Variants in GTF2H5 observed in about 807,000 individuals in gnomAD.
GTF2H5 encodes the protein general transcription factor IIH subunit 5, also known as TFB5 ortholog.
Under a neutral mutation model 7.1 loss-of-function variants are expected in GTF2H5, and 5 were observed. The ratio of observed to expected loss-of-function variants is 0.71; its 90% confidence interval spans 0.37 to 1.49. GTF2H5 has a LOEUF of 1.49. Among genes scored for constraint, GTF2H5 ranks in the 40% most tolerant of loss-of-function variants. The pLI, the probability that GTF2H5 is intolerant of heterozygous loss-of-function variation, is 0.03. For synonymous variants in GTF2H5, 30 were observed against 31.7 expected (o/e 0.95, Z 0.18); for missense variants, 80 against 83.0 (o/e 0.96, Z 0.14).
chr6:158,188,877 T>C (rs9632487), intron 2 of GTF2H5, among the ~76,000 whole-genome samples: 28,124 of 151,320 alleles, frequency 0.19, 3,722 homozygotes, highest in African/African-American at 0.37. Flanking sequence ...AACCACAGAC[T>C]CCCAAGCTAT....
rs1350117350 is a variant in GTF2H5, at chr6:158,195,182, A to C, written c.*3025A>C. On this transcript the variant is annotated 3_prime_UTR_variant, in exon 3 of 3. Coordinates refer to ENST00000607778, the MANE Select transcript of GTF2H5 (RefSeq NM_207118.3). Reference sequence around the variant, plus strand: ...AAATAAAGTCCTAAAGGTAGCATTAAAATGACTTAACTGGAGGCAGGAGGA... The same window carrying C: ...AAATAAAGTCCTAAAGGTAGCATTACAATGACTTAACTGGAGGCAGGAGGA... 1.3e-5 allele frequency: 2 copies of C among 152,090 alleles called. No homozygotes were observed. Among genetic ancestry groups the C allele is most frequent in the African/African-American group, 4.8e-5 (2 of 41,388 alleles). 9.4% of individuals were successfully genotyped at this position (152,090 alleles called of 1,614,324 possible). A position where few individuals can be genotyped will look rare whatever the true frequency, so the allele number is the denominator to read the frequency against.
chr6:158,188,037 G>T (rs1415006284), intron 2 of GTF2H5, among the ~76,000 whole-genome samples: 2 of 152,184 alleles, frequency 1.3e-5, no homozygotes, highest in Non-Finnish European at 2.9e-5. Flanking sequence ...CAGATGGGGG[G>T]TGGGGTGCTT....
chr6:158,172,021 A>C (rs1259704858), intron 2 of GTF2H5, among the ~76,000 whole-genome samples: 1 of 149,048 alleles, frequency 6.7e-6, no homozygotes, highest in Non-Finnish European at 1.5e-5. Flanking sequence ...AATACAGAGG[A>C]TACACATACA....
intron 2 of GTF2H5, among the ~76,000 whole-genome samples, chr6:158,189,199 A>T (rs1776980443): frequency 2.0e-5 from 3 of 152,004 alleles, no homozygotes; most frequent in Non-Finnish European, 2.9e-5. Context: ...AGGAAACAGG[A>T]TCAGTACCTT....
rs1386437902 is a variant in GTF2H5 at position 158,194,943 on chromosome 6, T to C, written c.*2786T>C. 2.0e-5 allele frequency: 3 copies of C among 152,200 alleles called. No individual in the cohort carries two copies. The highest frequency in any genetic ancestry group is 4.4e-5 in the Non-Finnish European group (3 of 68,044). The allele number at this position is 152,200 out of a possible 1,614,324, so 9.4% of individuals were successfully genotyped here. ...TAAATATCTTTCTTTCTCTGGACAT[T>C]ATTAAGAAAGATAGAGTGATGTGAA... On this transcript the variant is annotated 3_prime_UTR_variant, in exon 3 of 3. Transcript: ENST00000607778.
At chr6:158,171,058 C>A (rs180834847) in intron 2 of GTF2H5, among the ~76,000 whole-genome samples, 1 of 152,134 alleles carries the variant, frequency 6.6e-6, no homozygotes, top group African/African-American at 2.4e-5. Flanking sequence ...TGTCTACTTT[C>A]GGTGCCTCTA....
At chr6:158,175,010 ATGTGTGTGTGTGTGTGTGTG>A (rs200557393) in intron 2 of GTF2H5, among the ~76,000 whole-genome samples, 1 of 138,246 alleles carries the variant, frequency 7.2e-6, no homozygotes, top group Admixed American at 7.2e-5. Context: ...TGTGCCTGAG[ATGTGTGTGTGTGTGTGTGTG>A]TGTGTGTGTG....
At chr6:158,169,507 T>TAATATACTGTATATTATATATAATATAC (rs1201478120) in intron 1 of GTF2H5, among the ~76,000 whole-genome samples, 6 of 57,950 alleles carry the variant, frequency 1.0e-4, no homozygotes, top group African/African-American at 4.8e-4. Context: ...ATATAATATA[T>TAATATACTGTATATTATATATAATATAC]TGTATATTAT....
intron 2 of GTF2H5, among the ~76,000 whole-genome samples, chr6:158,179,734 T>C (rs1785981240): frequency 6.6e-6 from 1 of 152,216 alleles, no homozygotes; most frequent in Non-Finnish European, 1.5e-5. Context: ...CTTAAGATTT[T>C]GGGTTGAAAT....
At position 158,197,932 on chromosome 6, in the gene GTF2H5, G is replaced by A. The variant is rs1213561541; in HGVS notation, c.*5775G>A. The A allele has an allele frequency of 6.6e-6, 1 of 152,246 alleles. No homozygotes were observed. The highest frequency in any genetic ancestry group is 1.9e-4 in the East Asian group (1 of 5,188). The allele number at this position is 152,246 out of a possible 1,614,324, so 9.4% of individuals were successfully genotyped here. ...CAGTTCTTTAGGGATAGACTGAATGGCTGGTATCATTGCTTGAACTTAATG... is the reference window on the plus strand; with the variant it reads ...CAGTTCTTTAGGGATAGACTGAATGACTGGTATCATTGCTTGAACTTAATG... On this transcript the variant is annotated 3_prime_UTR_variant, in exon 3 of 3. Transcript: ENST00000607778.
chr6:158,168,896 G>C (rs1785688174), intron 1 of GTF2H5, among the ~76,000 whole-genome samples: 1 of 152,140 alleles, frequency 6.6e-6, no homozygotes, highest in African/African-American at 2.4e-5. Flanking sequence ...CCAGGAGTTC[G>C]AGACCAGCCT....
intron 2 of GTF2H5, among the ~76,000 whole-genome samples, chr6:158,180,109 T>C (rs529360143): frequency 6.6e-5 from 10 of 152,332 alleles, no homozygotes; most frequent in Middle Eastern, 3.4e-3. Flanking sequence ...GTCGAAGGCC[T>C]TTTCCGCATC....
chr6:158,169,793 T>TGTATATTATATATA (rs1785819292), intron 1 of GTF2H5, among the ~76,000 whole-genome samples: 1 of 52,058 alleles, frequency 1.9e-5, no homozygotes, highest in Non-Finnish European at 3.7e-5. Flanking sequence ...TATTATATAT[T>TGTATATTATATATA]ATATATTGTA....
chr6:158,169,699 A>T (rs1193595803), intron 1 of GTF2H5, among the ~76,000 whole-genome samples: 4 of 88,360 alleles, frequency 4.5e-5, no homozygotes, highest in South Asian at 2.8e-4. Flanking sequence ...TATATTATAT[A>T]ATATATTGTA....
rs1777133263 is a variant in GTF2H5 at position 158,197,627 on chromosome 6, A to T, written c.*5470A>T. 1 of 152,202 alleles carries T rather than the reference A, an allele frequency of 6.6e-6. No homozygotes were observed. Among genetic ancestry groups the T allele is most frequent in the African/African-American group, 2.4e-5 (1 of 41,460 alleles). 9.4% of individuals were successfully genotyped at this position (152,202 alleles called of 1,614,324 possible). A position where few individuals can be genotyped will look rare whatever the true frequency, so the allele number is the denominator to read the frequency against. ...GGCCAAATAAAGATATCATCTGCTT[A>T]TTATGAGAGTGTTTCGAGAGAAATC... On this transcript the variant is annotated 3_prime_UTR_variant, in exon 3 of 3. Transcript: ENST00000607778.
intron 2 of GTF2H5, among the ~76,000 whole-genome samples, chr6:158,175,010 A>ATGTGTGTGTGTGTGTGTGTG (rs200557393): frequency 2.9e-5 from 4 of 138,244 alleles, no homozygotes; most frequent in African/African-American, 1.1e-4. Context: ...TGTGCCTGAG[A>ATGTGTGTGTGTGTGTGTGTG]TGTGTGTGTG....
chr6:158,169,685 AAT>A lies in GTF2H5; in HGVS notation c.-34-778_-34-777del, dbSNP rs1491462005. On this transcript the variant is annotated intron_variant, in intron 1 of 2. Transcript: ENST00000607778. ...ATATATTGTATATTATATAATATAT[AAT>A]ATATATTATATAATATATTGTATAT... 7.3e-3 allele frequency among the ~76,000 whole-genome samples: 318 copies of A among 43,752 alleles called. 60 individuals are homozygous for A. In the East Asian group the frequency reaches 0.15, roughly 21 times the overall value. The allele number at this position is 43,752 out of a possible 152,430, so 28.7% of individuals were successfully genotyped here.
intron 2 of GTF2H5, among the ~76,000 whole-genome samples, chr6:158,177,619 C>T (rs1441807595): frequency 6.6e-6 from 1 of 152,158 alleles, no homozygotes; most frequent in African/African-American, 2.4e-5. Context: ...ATGTGCAGAA[C>T]GTACAGTTTT....
At chr6:158,174,766 C>G (rs1010791115) in intron 2 of GTF2H5, among the ~76,000 whole-genome samples, 1 of 152,182 alleles carries the variant, frequency 6.6e-6, no homozygotes, top group African/African-American at 2.4e-5. Flanking sequence ...GGTGCAAATT[C>G]CAACCAGTTT....
Sources: gnomAD v4.1 joint callset for allele counts (sites outside exome capture counted in the v4.1 genomes callset) on GRCh38, gnomAD v4.1.1 for gene constraint, MANE v1.5 for transcripts, NCBI Gene and HGNC (gene_info 2026-07-23, HGNC 2026-07-21) for gene names.